FLNB: variants seen among roughly 807,000 people sequenced by gnomAD.
FLNB encodes the protein filamin-B.
Under a neutral mutation model 250.6 loss-of-function variants are expected in FLNB, and 111 were observed. The observed-to-expected ratio is 0.44, with a 90% confidence interval of 0.38 to 0.52. FLNB has a LOEUF of 0.52. Ranked by LOEUF, FLNB falls within the 20% of genes least tolerant of loss-of-function variation. The pLI is 0.00. For missense variants in FLNB, 2,869 were observed against 3,447.8 expected, an observed-to-expected ratio of 0.83 and a Z score of 4.20; for synonymous variants, 1,302 against 1,372.1, an observed-to-expected ratio of 0.95 and a Z score of 1.13.
At chr3:58,040,135 T>G (rs2097143979) in intron 1 of FLNB, among the ~76,000 whole-genome samples, 1 of 151,982 alleles carries the variant, frequency 6.6e-6, no homozygotes, top group Non-Finnish European at 1.5e-5. Context: ...ACAAGAGCCA[T>G]CTCAAAAAAA....
At chr3:58,049,522 G>A (rs2097159106) in intron 1 of FLNB, among the ~76,000 whole-genome samples, 1 of 152,220 alleles carries the variant, frequency 6.6e-6, no homozygotes. Context: ...TCAGGCCTCA[G>A]GAAAAAGCTT....
At chr3:58,121,100 C>T (rs2097288097) in intron 19 of FLNB, 141 bp from the exon 20 acceptor site, 2 of 1,035,042 alleles carry the variant, frequency 1.9e-6, no homozygotes, top group Non-Finnish European at 3.0e-6. Context: ...AGCTTTGCTG[C>T]TTGTCCTCTG....
At chr3:58,012,209 C>CAA (rs10608167) in intron 1 of FLNB, among the ~76,000 whole-genome samples, 8 of 105,986 alleles carry the variant, frequency 7.5e-5, no homozygotes, top group South Asian at 3.3e-4. Context: ...GACTCTGACT[C>CAA]AAAAAAAAAA....
Position 58,138,474 on chromosome 3 carries a change from T to C in FLNB, c.5054T>C (p.Val1685Ala), listed in dbSNP as rs2097320410. 1 of 1,614,210 alleles carries C rather than the reference T, an allele frequency of 6.2e-7. No individual in the cohort carries two copies. Among genetic ancestry groups the C allele is most frequent in the Non-Finnish European group, 8.5e-7 (1 of 1,180,002 alleles). Residue 1685 changes from valine to alanine, a missense_variant, in exon 29 of 46, where the codon GTG (valine) becomes GCG (alanine). Physicochemically the swap from Val to Ala is moderately conservative, Grantham distance 64. Coordinates refer to ENST00000295956, the MANE Select transcript of FLNB (RefSeq NM_001457.4). ...ACAGCTGCCAAGCCGGGCACATATGTGATCTATGTGCGCTTCGGTGGTGTT... is the reference window on the plus strand; with the variant it reads ...ACAGCTGCCAAGCCGGGCACATATGCGATCTATGTGCGCTTCGGTGGTGTT... ...FYTAAKPGTYVIYVRFGGVDI... is the reference protein window; with the variant it reads ...FYTAAKPGTYAIYVRFGGVDI...
Position 58,159,604 on chromosome 3 carries a change from T to C in FLNB, c.6939T>C (p.Asn2313=), listed in dbSNP as rs1319859699. Residue 2313 remains asparagine (N), a synonymous_variant, in exon 42 of 46, where the codon AAT becomes AAC. Coordinates refer to ENST00000295956, the MANE Select transcript of FLNB (RefSeq NM_001457.4). ...CAGCATCCTTTGCTATAAGGTTGAATGGCGCAAAAGGCAAGATTGATGCAA... is the reference window on the plus strand; with the variant it reads ...CAGCATCCTTTGCTATAAGGTTGAACGGCGCAAAAGGCAAGATTGATGCAA... ...NQPASFAIRL[N]GAKGKIDAKV... 6.2e-7 allele frequency: 1 copy of C among 1,614,120 alleles called. No individual in the cohort carries two copies. The highest frequency in any genetic ancestry group is 1.1e-5 in the South Asian group (1 of 91,080).
At chr3:58,010,594 C>G (rs1315752390) in intron 1 of FLNB, among the ~76,000 whole-genome samples, 1 of 152,170 alleles carries the variant, frequency 6.6e-6, no homozygotes, top group East Asian at 1.9e-4. Context: ...ACCAGCCTCC[C>G]CTCTGAAGAA....
At chr3:58,031,876 A>G (rs1413496683) in intron 1 of FLNB, among the ~76,000 whole-genome samples, 2 of 151,684 alleles carry the variant, frequency 1.3e-5, no homozygotes, top group Non-Finnish European at 2.9e-5. Flanking sequence ...GACATACTGC[A>G]TTACTAAGCT....
intron 34 of FLNB, 69 bp downstream of exon 34, chr3:58,147,062 A>G (rs1381980107): frequency 4.0e-6 from 6 of 1,512,118 alleles, no homozygotes; most frequent in South Asian, 1.1e-5. Flanking sequence ...CACCCTCCTT[A>G]TCAGACCCCT....
In FLNB at chr3:58,159,539, G is replaced by A. The variant is rs2097358261; in HGVS notation, c.6889-15G>A. ...CGCCGAGGGCCATAACCTGTCTGATGTATTAAATTCTCAGGAATCGGGATT... is the reference window on the plus strand; with the variant it reads ...CGCCGAGGGCCATAACCTGTCTGATATATTAAATTCTCAGGAATCGGGATT... On this transcript the variant is annotated splice_polypyrimidine_tract_variant and intron_variant, in intron 41 of 45. Transcript: ENST00000295956. 6 of 1,614,020 alleles carry A rather than the reference G, an allele frequency of 3.7e-6. No individual in the cohort carries two copies. The highest frequency in any genetic ancestry group is 2.2e-5 in the South Asian group (2 of 91,084).
rs1419624560 is a variant in FLNB at position 58,142,345 on chromosome 3, G to C, written c.5182-305G>C. 6.6e-6 allele frequency among the ~76,000 whole-genome samples: 1 copy of C among 152,190 alleles called. No individual in the cohort carries two copies. Among genetic ancestry groups the C allele is most frequent in the Non-Finnish European group, 1.5e-5 (1 of 68,030 alleles). On this transcript the variant is annotated intron_variant, in intron 30 of 45. Coordinates refer to ENST00000295956, the MANE Select transcript of FLNB (RefSeq NM_001457.4). This position sits in a 1 kb window ranked among gnomAD's most constrained non-coding sequence, Gnocchi z 4.3. ...ACAAGCAACTAAACCTTTCCAGATGGAGCCTCTTGGGACTCATAGACATTG... is the reference window on the plus strand; with the variant it reads ...ACAAGCAACTAAACCTTTCCAGATGCAGCCTCTTGGGACTCATAGACATTG...
chr3:58,023,111 CTTT>C (rs61047967), intron 1 of FLNB, among the ~76,000 whole-genome samples: 21 of 97,360 alleles, frequency 2.2e-4, no homozygotes, highest in African/African-American at 2.5e-4. Context: ...CGAACTCGGC[CTTT>C]TTTTTTTTTT....
chr3:58,087,147 C>T (rs1371288617), intron 4 of FLNB, among the ~76,000 whole-genome samples: 1 of 152,030 alleles, frequency 6.6e-6, no homozygotes, highest in Non-Finnish European at 1.5e-5. Flanking sequence ...CATGATAAAG[C>T]AGCAGCTCAA....
chr3:58,108,230 G>A (rs2097262953), intron 12 of FLNB, among the ~76,000 whole-genome samples: 1 of 152,200 alleles, frequency 6.6e-6, no homozygotes, highest in Admixed American at 6.5e-5. Flanking sequence ...TTCAGGCCGT[G>A]GGTTGGATTT....
intron 34 of FLNB, 91 bp downstream of exon 34, chr3:58,147,084 A>G (rs1161155253): frequency 1.5e-6 from 2 of 1,322,650 alleles, no homozygotes; most frequent in Non-Finnish European, 2.2e-6. Context: ...GCAGCAGGCT[A>G]GACGTCTCTT....
rs115179655 is a variant in FLNB at position 58,129,887 on chromosome 3, G to A, written c.4223-854G>A. On this transcript the variant is annotated intron_variant, in intron 24 of 45. Transcript: ENST00000295956. ...CCCCTCCACAGTGGAGTCCATGAGT[G>A]TCCTTGGCCTAGCCCTTGTTTCTCT... is the stretch of plus-strand genomic sequence containing the variant. Among the ~76,000 whole-genome samples the A allele has an allele frequency of 3.0e-3, 463 of 152,318 alleles. 5 individuals are homozygous for A. Among genetic ancestry groups the A allele is most frequent in the African/African-American group, 0.011 (443 of 41,564 alleles).
At position 58,136,255 on chromosome 3, in the gene FLNB, C is replaced by T. The variant is rs79925779; in HGVS notation, c.4861+87C>T. On this transcript the variant is annotated intron_variant, in intron 28 of 45. Coordinates refer to ENST00000295956, the MANE Select transcript of FLNB (RefSeq NM_001457.4). ...GCCCTTCTCTGTGACTTACAAGCTA[C>T]ATGATCTGGGCACGTTGCTCAACCT... 0.073 allele frequency: 99,422 copies of T among 1,357,834 alleles called. 4,243 individuals carry two copies. Among genetic ancestry groups the T allele is most frequent in the Middle Eastern group, 0.11 (465 of 4,272 alleles). The allele number at this position is 1,357,834 out of a possible 1,614,324, so 84.1% of individuals were successfully genotyped here. A position where few individuals can be genotyped will look rare whatever the true frequency, so the allele number is the denominator to read the frequency against.
In FLNB at chr3:58,081,720, C is replaced by T. The variant is rs140037128; in HGVS notation, c.731C>T (p.Pro244Leu). Reference sequence around the variant, plus strand: ...CAGTTCCCCAAAGCCAAGCTCAAGCCGGGGGCTCCTCTCAAACCCAAACTC... The same window carrying T: ...CAGTTCCCCAAAGCCAAGCTCAAGCTGGGGGCTCCTCTCAAACCCAAACTC... ...LSQFPKAKLK[P>L]GAPLKPKLNP... Residue 244 changes from proline to leucine, a missense_variant, in exon 4 of 46, where the codon CCG becomes CTG. By Grantham distance (98) the Pro-to-Leu change is moderately conservative. Around this residue, in one of 5 missense-constraint regions of FLNB, gnomAD observed 308 missense variants for 466.1 expected, o/e 0.66. Transcript: ENST00000295956. The T allele has an allele frequency of 9.3e-6, 15 of 1,613,974 alleles. No homozygotes were observed. The highest frequency in any genetic ancestry group is 1.1e-5 in the Non-Finnish European group (13 of 1,180,016).
intron 23 of FLNB, 142 bp downstream of exon 23, chr3:58,125,885 T>C (rs2097296951): frequency 3.8e-6 from 3 of 797,264 alleles, no homozygotes; most frequent in Non-Finnish European, 6.1e-6. Context: ...TTATGTTACA[T>C]AGAAAGACCA....
chr3:58,138,650 T>G (rs1285069520), intron 29 of FLNB, 121 bp downstream of exon 29: 1 of 1,255,210 alleles, frequency 8.0e-7, no homozygotes, highest in Non-Finnish European at 1.2e-6. Flanking sequence ...AAAAATTTGT[T>G]AAGCAGTCAT....
Sources: allele counts gnomAD v4.1 joint callset (sites outside exome capture counted in the v4.1 genomes callset), GRCh38; gene constraint gnomAD v4.1.1; regional missense constraint gnomAD v4.1.1; non-coding constraint Gnocchi (gnomAD v3.1); transcripts MANE v1.5; gene names NCBI Gene and HGNC (gene_info 2026-07-23, HGNC 2026-07-21).